Variants in FAM135B observed in about 807,000 individuals in gnomAD.
FAM135B encodes family with sequence similarity 135 member B.
FAM135B carries 43 observed loss-of-function variants against 127.7 expected under a neutral mutation model. The ratio of observed to expected loss-of-function variants is 0.34; its 90% CI spans 0.26 to 0.43. FAM135B has a LOEUF of 0.43. Among genes scored for constraint, FAM135B ranks in the 20% least tolerant of loss-of-function variants. The pLI is 1.00. For synonymous variants in FAM135B, 670 were observed against 665.1 expected, an observed-to-expected ratio of 1.01 and a Z score of -0.11; for missense variants, 1,558 against 1,725.6, an observed-to-expected ratio of 0.90 and a Z score of 1.72.
intron 1 of FAM135B, among the ~76,000 whole-genome samples, chr8:138,474,615 C>G (rs985629412): frequency 6.6e-6 from 1 of 152,184 alleles, no homozygotes; most frequent in Non-Finnish European, 1.5e-5. Context: ...TTCCTACACA[C>G]AGTCACACAG....
intron 7 of FAM135B, among the ~76,000 whole-genome samples, chr8:138,212,707 G>C (rs1488906298): frequency 6.6e-6 from 1 of 152,168 alleles, no homozygotes; most frequent in African/African-American, 2.4e-5. Context: ...TCATTTTCTA[G>C]CATTTTACTT....
At chr8:138,413,861 T>TA (rs1194492970) in intron 1 of FAM135B, among the ~76,000 whole-genome samples, 1 of 151,102 alleles carries the variant, frequency 6.6e-6, no homozygotes, top group Non-Finnish European at 1.5e-5. Flanking sequence ...GATGACATGG[T>TA]AAAACGTGCA....
chr8:138,443,307 C>T (rs1391289317), intron 1 of FAM135B, among the ~76,000 whole-genome samples: 1 of 152,124 alleles, frequency 6.6e-6, no homozygotes, highest in African/African-American at 2.4e-5. Context: ...TTTTCTTTTT[C>T]TCTTTTTCTT....
chr8:138,181,600 C>T (rs958167431), intron 9 of FAM135B, among the ~76,000 whole-genome samples: 1 of 152,258 alleles, frequency 6.6e-6, no homozygotes, highest in East Asian at 1.9e-4. Context: ...TCCCCCGTCA[C>T]CTTCCAGTTT....
intron 7 of FAM135B, among the ~76,000 whole-genome samples, chr8:138,235,429 C>T (rs539914424): frequency 6.6e-6 from 1 of 152,130 alleles, no homozygotes; most frequent in African/African-American, 2.4e-5. Context: ...CTAGAGACAA[C>T]ATAATGTCAT....
intron 2 of FAM135B, among the ~76,000 whole-genome samples, chr8:138,315,492 G>A (rs923172062): frequency 1.3e-5 from 2 of 152,036 alleles, no homozygotes; most frequent in Non-Finnish European, 1.5e-5. Flanking sequence ...GGACGTCAAA[G>A]TCAGCACCTC....
rs114987825 is a variant in FAM135B, at chr8:138,277,076, C to G, written c.158-11234G>C. On this transcript the variant is annotated intron_variant, in intron 3 of 19. Transcript: ENST00000395297. ...CATGCCATGCACAGGTCAGTCCTGC[C>G]AAGACCTGTGTCTGCAGCTCGAGTT... Among the ~76,000 whole-genome samples, 1,005 of 151,814 alleles carry G rather than the reference C, an allele frequency of 6.6e-3. 10 individuals carry two copies. The highest frequency in any genetic ancestry group is 0.022 in the African/African-American group (924 of 41,154).
chr8:138,296,251 G>A (rs1250287662), intron 3 of FAM135B, among the ~76,000 whole-genome samples: 1 of 152,064 alleles, frequency 6.6e-6, no homozygotes, highest in Admixed American at 6.5e-5. Context: ...GGCCTCGGCT[G>A]GCTTCCTTTC....
At chr8:138,159,546 T>C (rs1309477187) in intron 12 of FAM135B, among the ~76,000 whole-genome samples, 1 of 145,226 alleles carries the variant, frequency 6.9e-6, no homozygotes, top group African/African-American at 2.5e-5. Flanking sequence ...TAGATAGGAA[T>C]TGAACAATGA....
At chr8:138,280,002 G>C (rs933867374) in intron 3 of FAM135B, among the ~76,000 whole-genome samples, 1 of 152,166 alleles carries the variant, frequency 6.6e-6, no homozygotes, top group Admixed American at 6.5e-5. Flanking sequence ...TATGGGGACT[G>C]GGAGCTAAAA....
At chr8:138,458,784 G>A (rs1029737159) in intron 1 of FAM135B, among the ~76,000 whole-genome samples, 1 of 152,158 alleles carries the variant, frequency 6.6e-6, no homozygotes, top group Non-Finnish European at 1.5e-5. Flanking sequence ...TACAAAAAAC[G>A]TACGCTGACC....
chr8:138,445,196 G>A (rs1438292398), intron 1 of FAM135B, among the ~76,000 whole-genome samples: 6 of 152,122 alleles, frequency 3.9e-5, no homozygotes, highest in Non-Finnish European at 1.5e-5. Context: ...AGGACCAGAC[G>A]GATTCACAGC....
At chr8:138,383,767 A>G (rs145490457) in intron 1 of FAM135B, among the ~76,000 whole-genome samples, 5 of 152,240 alleles carry the variant, frequency 3.3e-5, no homozygotes, top group Admixed American at 6.5e-5. Context: ...TAATAGACAC[A>G]TTTGTTGGTT....
At chr8:138,459,328 C>G (rs1182869202) in intron 1 of FAM135B, 2 of 152,092 alleles carry the variant, frequency 1.3e-5, no homozygotes. Context: ...ATAAACAAGG[C>G]AGAAACTAGA....
chr8:138,306,334 C>G (rs1438339767), intron 3 of FAM135B, among the ~76,000 whole-genome samples: 2 of 150,950 alleles, frequency 1.3e-5, no homozygotes, highest in African/African-American at 4.9e-5. Flanking sequence ...ACTTGGGAGG[C>G]TGAGGCAGGG....
intron 1 of FAM135B, among the ~76,000 whole-genome samples, chr8:138,433,523 C>A (rs1194735984): frequency 1.4e-5 from 2 of 140,686 alleles, no homozygotes; most frequent in African/African-American, 2.6e-5. Flanking sequence ...GATTCTGTCT[C>A]AATAAATAAA....
At chr8:138,394,667 G>A (rs1832765157) in intron 1 of FAM135B, among the ~76,000 whole-genome samples, 1 of 152,128 alleles carries the variant, frequency 6.6e-6, no homozygotes, top group Non-Finnish European at 1.5e-5. Context: ...TCTCTCCCAT[G>A]TTCTGAGTCC....
At chr8:138,139,120 A>G in intron 17 of FAM135B, 24 bp from the exon 18 acceptor site, 1 of 1,520,748 alleles carries the variant, frequency 6.6e-7, no homozygotes. Flanking sequence ...AACAAAATAA[A>G]AATCAAAAAC....
chr8:138,197,519 G>A lies in FAM135B; in HGVS notation c.820C>T (p.Leu274=), dbSNP rs2131135964. 1 of 1,613,990 alleles carries A rather than the reference G, an allele frequency of 6.2e-7. No individual in the cohort carries two copies. The highest frequency in any genetic ancestry group is 8.5e-7 in the Non-Finnish European group (1 of 1,179,872). ...RDIPELPHTE[L]EALAVEETLS... ...TGCCCCTGTCCTGGGCCCTTACCCAGCTCCGTGTGTGGCAGCTCTGGGATG... is the reference window on the plus strand; with the variant it reads ...TGCCCCTGTCCTGGGCCCTTACCCAACTCCGTGTGTGGCAGCTCTGGGATG... The change falls in exon 8 of 20, where the codon CTG becomes TTG. Residue 274 remains leucine (L), a synonymous_variant. Coordinates refer to ENST00000395297, the MANE Select transcript of FAM135B (RefSeq NM_015912.4).
Sources: gnomAD v4.1 joint callset for allele counts (sites outside exome capture counted in the v4.1 genomes callset) on GRCh38, gnomAD v4.1.1 for gene constraint, MANE v1.5 for transcripts, NCBI Gene and HGNC (gene_info 2026-07-23, HGNC 2026-07-21) for gene names.